The following AGO3 variants were observed in gnomAD, a reference collection of about 807,000 sequenced individuals.
AGO3 encodes the protein protein argonaute-3.
In AGO3, 16 loss-of-function variants were observed where a neutral mutation model predicts 105.5. The ratio of observed to expected loss-of-function variants is 0.15; its 90% CI spans 0.10 to 0.23. AGO3 has a LOEUF of 0.23. Among genes scored for constraint, AGO3 ranks in the 10% least tolerant of loss-of-function variants. The probability of loss-of-function intolerance (pLI) is 1.00; values close to 1 mark genes in which losing one functional copy is unlikely to be tolerated. For missense variants in AGO3, 534 were observed against 1,088.0 expected (o/e 0.49, Z 7.16); for synonymous variants, 340 against 367.3 (o/e 0.93, Z 0.85).
intron 9 of AGO3, among the ~76,000 whole-genome samples, chr1:36,013,047 T>C (rs1640699700): frequency 6.6e-6 from 1 of 151,864 alleles, no homozygotes. Flanking sequence ...AGCGATTCTC[T>C]CACCTCAGCC....
At chr1:35,946,711 C>T (rs906411891) in intron 2 of AGO3, among the ~76,000 whole-genome samples, 5 of 152,082 alleles carry the variant, frequency 3.3e-5, no homozygotes, top group Admixed American at 6.5e-5. Context: ...GACTTGTCAT[C>T]CTAATTGTTA....
chr1:36,001,525 A>C (rs567035995), intron 5 of AGO3, among the ~76,000 whole-genome samples: 1 of 152,280 alleles, frequency 6.6e-6, no homozygotes, highest in Non-Finnish European at 1.5e-5. Flanking sequence ...GTTCTTTTTT[A>C]TTAAGAGGGG....
intron 2 of AGO3, among the ~76,000 whole-genome samples, chr1:35,947,999 T>G (rs1041589109): frequency 6.6e-6 from 1 of 152,068 alleles, no homozygotes; most frequent in African/African-American, 2.4e-5. Flanking sequence ...AAGGCTGCAG[T>G]GTGTTGTGAT....
intron 5 of AGO3, among the ~76,000 whole-genome samples, chr1:35,995,710 C>G (rs1395447566): frequency 1.3e-5 from 2 of 152,118 alleles, no homozygotes; most frequent in Admixed American, 1.3e-4. Flanking sequence ...GACAGGATCT[C>G]CCTATCACCC....
Position 36,055,760 on chromosome 1 carries a change from T to C in AGO3, c.*15T>C. 6.2e-7 allele frequency: 1 copy of C among 1,611,176 alleles called. No homozygotes were observed. The highest frequency in any genetic ancestry group is 1.1e-5 in the South Asian group (1 of 90,926). ...ACTTCGCTTAAATAGTCCAAGTATATTCTCTGAGAGGAAGTACTGAAAGAT... is the reference window on the plus strand; with the variant it reads ...ACTTCGCTTAAATAGTCCAAGTATACTCTCTGAGAGGAAGTACTGAAAGAT... On this transcript the variant is annotated 3_prime_UTR_variant, in exon 19 of 19. Transcript: ENST00000373191. This position sits in a 1 kb window ranked among gnomAD's most constrained non-coding sequence, Gnocchi z 4.4.
intron 1 of AGO3, among the ~76,000 whole-genome samples, chr1:35,936,640 A>G (rs1646152360): frequency 6.6e-6 from 1 of 152,216 alleles, no homozygotes. Flanking sequence ...CTTGTTTTAC[A>G]TCAGCCAGTT....
chr1:36,005,261 T>C (rs1429416249), intron 6 of AGO3, among the ~76,000 whole-genome samples: 1 of 152,158 alleles, frequency 6.6e-6, no homozygotes, highest in Non-Finnish European at 1.5e-5. Flanking sequence ...ATTTTCAGCT[T>C]GTGGTTTGAA....
chr1:36,071,071 A>G lies in AGO3; in HGVS notation c.*15326A>G, dbSNP rs1207836026. The G allele has an allele frequency of 6.6e-6, 1 of 152,216 alleles. No individual in the cohort carries two copies. The highest frequency in any genetic ancestry group is 1.5e-5 in the Non-Finnish European group (1 of 68,040). 9.4% of individuals were successfully genotyped at this position (152,216 alleles called of 1,614,324 possible). A position where few individuals can be genotyped will look rare whatever the true frequency, so the allele number is the denominator to read the frequency against. The stretch of plus-strand genomic sequence containing the variant: ...AGTGTTTGGGGGACTCAATGGTAAT[A>G]TGACCATTGCAGTGTAATCTGACTG... On this transcript the variant is annotated 3_prime_UTR_variant, in exon 19 of 19. Coordinates refer to ENST00000373191, the MANE Select transcript of AGO3 (RefSeq NM_024852.4).
chr1:35,944,810 T>C (rs1293551378), intron 1 of AGO3, among the ~76,000 whole-genome samples: 2 of 151,952 alleles, frequency 1.3e-5, no homozygotes, highest in African/African-American at 2.4e-5. Flanking sequence ...AGCCCACTTA[T>C]CTTTTTTTGT....
intron 17 of AGO3, among the ~76,000 whole-genome samples, chr1:36,044,835 T>C (rs1387334135): frequency 6.6e-6 from 1 of 152,224 alleles, no homozygotes; most frequent in East Asian, 1.9e-4. Flanking sequence ...GAACATAAGC[T>C]TTAAATCAGT....
intron 2 of AGO3, among the ~76,000 whole-genome samples, chr1:35,966,013 C>T (rs1646768368): frequency 6.6e-6 from 1 of 151,968 alleles, no homozygotes; most frequent in African/African-American, 2.4e-5. Flanking sequence ...TTAGTAGAGA[C>T]AGGGTTTCTC....
At chr1:35,969,438 A>G (rs1285642305) in intron 3 of AGO3, among the ~76,000 whole-genome samples, 1 of 152,124 alleles carries the variant, frequency 6.6e-6, no homozygotes, top group African/African-American at 2.4e-5. Context: ...TCTTGCTTGA[A>G]AGGATTATTA....
intron 11 of AGO3, among the ~76,000 whole-genome samples, chr1:36,016,488 A>G (rs1640909266): frequency 6.6e-6 from 1 of 152,132 alleles, no homozygotes. Context: ...GGCCTAGGTT[A>G]CAGTTTACGA....
At chr1:35,989,160 TC>T (rs1366911204) in intron 5 of AGO3, among the ~76,000 whole-genome samples, 2 of 152,170 alleles carry the variant, frequency 1.3e-5, no homozygotes, top group African/African-American at 4.8e-5. Context: ...GAGGGATGTT[TC>T]CCTCAGGAAA....
At chr1:35,975,576 G>A (rs373407250) in intron 5 of AGO3, among the ~76,000 whole-genome samples, 2 of 152,040 alleles carry the variant, frequency 1.3e-5, no homozygotes, top group East Asian at 3.9e-4. Flanking sequence ...CCATGCAGAA[G>A]TTTGTTTGTA....
chr1:36,020,741 G>C (rs766687988), intron 11 of AGO3, among the ~76,000 whole-genome samples: 3 of 151,732 alleles, frequency 2.0e-5, no homozygotes, highest in South Asian at 2.1e-4. Flanking sequence ...TCAGATTCCC[G>C]AGTAGCTGGG....
At chr1:35,965,696 G>GA (rs1169249579) in intron 2 of AGO3, among the ~76,000 whole-genome samples, 3 of 151,502 alleles carry the variant, frequency 2.0e-5, no homozygotes, top group Non-Finnish European at 4.4e-5. Flanking sequence ...AAAAGGGAGG[G>GA]AAAAAATAGA....
At chr1:36,041,424 G>A (rs1642246777) in intron 16 of AGO3, among the ~76,000 whole-genome samples, 1 of 151,742 alleles carries the variant, frequency 6.6e-6, no homozygotes, top group Non-Finnish European at 1.5e-5. Flanking sequence ...TGTATTTTTA[G>A]TAGAGACAGG....
intron 5 of AGO3, among the ~76,000 whole-genome samples, chr1:35,995,209 A>AAATATATATATATATAT: frequency 8.7e-6 from 1 of 114,738 alleles, no homozygotes; most frequent in African/African-American, 3.7e-5. Flanking sequence ...TAAAAAAAAA[A>AAATATATATATATATAT]ATATATATAT....
Sources: allele counts gnomAD v4.1 joint callset (sites outside exome capture counted in the v4.1 genomes callset), GRCh38; gene constraint gnomAD v4.1.1; non-coding constraint Gnocchi (gnomAD v3.1); transcripts MANE v1.5; gene names NCBI Gene and HGNC (gene_info 2026-07-23, HGNC 2026-07-21).